Variants in PTPN9 observed in about 807,000 individuals in gnomAD.
PTPN9 encodes protein tyrosine phosphatase non-receptor type 9, also known as tyrosine-protein phosphatase non-receptor type 9.
Under a neutral mutation model 69.8 loss-of-function variants are expected in PTPN9, and 26 were observed. That is an observed-to-expected ratio of 0.37 (90% CI 0.27 to 0.52). The LOEUF (loss-of-function observed/expected upper bound fraction) is 0.52. Among genes scored for constraint, PTPN9 ranks in the 20% least tolerant of loss-of-function variants. The probability of loss-of-function intolerance (pLI) is 0.91; values close to 1 mark genes in which losing one functional copy is unlikely to be tolerated. For synonymous variants in PTPN9, 274 were observed against 272.5 expected (o/e 1.01, Z -0.05); for missense variants, 549 against 740.3 (o/e 0.74, Z 3.00).
At chr15:75,560,376 AT>A (rs1328692349) in intron 1 of PTPN9, among the ~76,000 whole-genome samples, 1 of 152,036 alleles carries the variant, frequency 6.6e-6, no homozygotes, top group Non-Finnish European at 1.5e-5. Flanking sequence ...CAGAAATACC[AT>A]TTTTTCTTCA....
At chr15:75,504,473 G>C (rs1264975233) in intron 7 of PTPN9, among the ~76,000 whole-genome samples, 1 of 137,950 alleles carries the variant, frequency 7.2e-6, no homozygotes, top group Non-Finnish European at 1.6e-5. Flanking sequence ...CGGTCCGGGA[G>C]GGAGGTGGAG....
At chr15:75,568,178 A>T (rs1234793575) in intron 1 of PTPN9, among the ~76,000 whole-genome samples, 3 of 151,364 alleles carry the variant, frequency 2.0e-5, no homozygotes, top group Non-Finnish European at 4.4e-5. Context: ...TCCTGTTCGC[A>T]CCCTCCATGT....
intron 6 of PTPN9, 50 bp from the exon 7 acceptor site, chr15:75,506,053 T>C (rs760797064): frequency 1.4e-6 from 2 of 1,380,434 alleles, no homozygotes; most frequent in Non-Finnish European, 2.0e-6. Context: ...GGGAAAGGCA[T>C]ATAGAGTGAC....
intron 1 of PTPN9, among the ~76,000 whole-genome samples, chr15:75,533,212 C>T (rs968112227): frequency 1.3e-5 from 2 of 152,308 alleles, no homozygotes; most frequent in South Asian, 4.1e-4. Flanking sequence ...GAGAAACTAA[C>T]ATTACCACTT....
At chr15:75,527,443 T>G (rs954616439) in intron 1 of PTPN9, among the ~76,000 whole-genome samples, 182 bp from the exon 2 acceptor site, 6 of 152,022 alleles carry the variant, frequency 3.9e-5, no homozygotes, top group African/African-American at 1.5e-4. Flanking sequence ...AGTTAAAATT[T>G]GTATAATTCA....
At chr15:75,577,169 T>C (rs2075177780) in intron 1 of PTPN9, among the ~76,000 whole-genome samples, 1 of 152,228 alleles carries the variant, frequency 6.6e-6, no homozygotes, top group Non-Finnish European at 1.5e-5. Context: ...CAATACCATG[T>C]CAATACTATC....
At chr15:75,527,052 A>G in intron 2 of PTPN9, 66 bp downstream of exon 2, 2 of 1,580,118 alleles carry the variant, frequency 1.3e-6, no homozygotes, top group Non-Finnish European at 1.7e-6. Context: ...TGTGTCGAGC[A>G]TGACAGGGAC....
intron 1 of PTPN9, among the ~76,000 whole-genome samples, chr15:75,543,376 G>C (rs1178609449): frequency 1.3e-5 from 2 of 152,122 alleles, no homozygotes; most frequent in Non-Finnish European, 2.9e-5. Context: ...ACCGCATAAA[G>C]AAATCAAAGG....
chr15:75,564,314 G>C (rs564011420), intron 1 of PTPN9, among the ~76,000 whole-genome samples: 1 of 152,246 alleles, frequency 6.6e-6, no homozygotes, highest in South Asian at 2.1e-4. Context: ...CACCACATTG[G>C]CCAGGTGCGG....
At chr15:75,509,100 G>C in intron 5 of PTPN9, 73 bp from the exon 6 acceptor site, 1 of 1,230,774 alleles carries the variant, frequency 8.1e-7, no homozygotes, top group South Asian at 1.3e-5. Context: ...TAGGTTTTCT[G>C]CTCTTCTCCC....
chr15:75,489,855 T>C (rs2074699263), intron 8 of PTPN9, among the ~76,000 whole-genome samples: 1 of 152,206 alleles, frequency 6.6e-6, no homozygotes, highest in African/African-American at 2.4e-5. Context: ...CAAAGTTGCT[T>C]TGTATTGATG....
At chr15:75,504,625 G>C (rs1276571637) in intron 7 of PTPN9, among the ~76,000 whole-genome samples, 1 of 136,958 alleles carries the variant, frequency 7.3e-6, no homozygotes. Flanking sequence ...CAGCCGCCCC[G>C]TCTGGGAGGG....
chr15:75,514,176 T>C (rs1417551570), intron 5 of PTPN9, among the ~76,000 whole-genome samples: 2 of 151,850 alleles, frequency 1.3e-5, no homozygotes, highest in Non-Finnish European at 2.9e-5. Context: ...CCTCTTTTTT[T>C]TTTTTTCTTT....
In PTPN9 at chr15:75,504,694, G is replaced by C. The variant is rs1162923637; in HGVS notation, c.968+981C>G. Reference sequence around the variant, plus strand: ...GCCCTGTCCGGGAGGGAGGTGGGGGGGTCAGCCCCCCGCCCGGGAGGTGAG... The same window carrying C: ...GCCCTGTCCGGGAGGGAGGTGGGGGCGTCAGCCCCCCGCCCGGGAGGTGAG... On this transcript the variant is annotated intron_variant, in intron 7 of 12. Transcript: ENST00000618819. Among the ~76,000 whole-genome samples the C allele has an allele frequency of 5.2e-4, 76 of 147,020 alleles. 1 individual carries two copies. The highest frequency in any genetic ancestry group is 1.3e-3 in the Admixed American group (20 of 14,980).
intron 10 of PTPN9, among the ~76,000 whole-genome samples, chr15:75,473,324 A>G (rs1466702718): frequency 6.6e-6 from 1 of 151,828 alleles, no homozygotes; most frequent in African/African-American, 2.4e-5. Flanking sequence ...ATCTCAGCTC[A>G]CTGCAACCTC....
At position 75,571,809 on chromosome 15, in the gene PTPN9, G is replaced by A. The variant is rs571038798; in HGVS notation, c.63+6905C>T. Reference sequence around the variant, plus strand: ...CTTGGGAGGCTGAGGTAGGAGAATCGCTTGAACACAGGAGGTGGAGGTTGT... The same window carrying A: ...CTTGGGAGGCTGAGGTAGGAGAATCACTTGAACACAGGAGGTGGAGGTTGT... On this transcript the variant is annotated intron_variant, in intron 1 of 12. Transcript: ENST00000618819. Among the ~76,000 whole-genome samples the A allele has an allele frequency of 3.0e-3, 460 of 152,162 alleles. 1 individual carries two copies. The highest frequency in any genetic ancestry group is 0.011 in the African/African-American group (437 of 41,496).
At chr15:75,497,559 A>G (rs1417779897) in intron 7 of PTPN9, among the ~76,000 whole-genome samples, 24 of 151,962 alleles carry the variant, frequency 1.6e-4, no homozygotes, top group Admixed American at 9.2e-4. Context: ...CCAGCACTTT[A>G]GGAGGCCAAG....
At chr15:75,512,064 C>T (rs966986945) in intron 5 of PTPN9, among the ~76,000 whole-genome samples, 2 of 152,042 alleles carry the variant, frequency 1.3e-5, no homozygotes, top group South Asian at 2.1e-4. Context: ...AGGCTGGTCT[C>T]GAACTCCTGG....
chr15:75,518,071 A>G (rs2074880815), intron 4 of PTPN9, among the ~76,000 whole-genome samples: 1 of 152,222 alleles, frequency 6.6e-6, no homozygotes, highest in Non-Finnish European at 1.5e-5. Context: ...TTTGGAAAGC[A>G]TTCCTAAAAA....
Sources: allele counts gnomAD v4.1 joint callset (sites outside exome capture counted in the v4.1 genomes callset), GRCh38; gene constraint gnomAD v4.1.1; transcripts MANE v1.5; gene names NCBI Gene and HGNC (gene_info 2026-07-23, HGNC 2026-07-21).